GAS7: variants seen among roughly 807,000 people sequenced by gnomAD.
GAS7 encodes the protein growth arrest-specific protein 7.
In GAS7, 28 loss-of-function variants were observed where a neutral mutation model predicts 71.1. That is an observed-to-expected ratio of 0.39 (90% CI 0.29 to 0.54). GAS7 has a LOEUF of 0.54. Among genes scored for constraint, GAS7 ranks in the 20% least tolerant of loss-of-function variants. The pLI, the probability that GAS7 is intolerant of heterozygous loss-of-function variation, is 0.62. For synonymous variants in GAS7, 258 were observed against 245.8 expected (o/e 1.05, Z -0.46); for missense variants, 436 against 627.8 (o/e 0.69, Z 3.27).
At chr17:9,928,882 C>T (rs1408058265) in intron 9 of GAS7, among the ~76,000 whole-genome samples, 1 of 152,180 alleles carries the variant, frequency 6.6e-6, no homozygotes, top group East Asian at 1.9e-4. Flanking sequence ...GCTCAATCCC[C>T]TGGGTGACAA....
chr17:10,040,592 C>T (rs748630685), intron 1 of GAS7, among the ~76,000 whole-genome samples: 249 of 147,528 alleles, frequency 1.7e-3, no homozygotes, highest in Non-Finnish European at 2.4e-3. Flanking sequence ...TTTCTCTCTC[C>T]CCCCTCTCAC....
intron 1 of GAS7, among the ~76,000 whole-genome samples, chr17:10,066,506 T>A (rs1424973819): frequency 6.6e-6 from 1 of 152,138 alleles, no homozygotes; most frequent in Non-Finnish European, 1.5e-5. Flanking sequence ...TTTTGTTTTG[T>A]TTTTTGTTTT....
chr17:9,996,622 C>G (rs1037945886), intron 2 of GAS7, among the ~76,000 whole-genome samples: 2 of 148,512 alleles, frequency 1.3e-5, no homozygotes, highest in African/African-American at 5.0e-5. Context: ...TATATACACA[C>G]ATATATATAT....
chr17:9,912,297 G>C lies in GAS7; in HGVS notation c.*4931C>G, dbSNP rs1040660906. The C allele has an allele frequency of 2.1e-5, 5 of 232,776 alleles. No individual in the cohort carries two copies. Among genetic ancestry groups the C allele is most frequent in the Non-Finnish European group, 4.2e-5 (5 of 117,814 alleles). 14.4% of individuals were successfully genotyped at this position (232,776 alleles called of 1,614,324 possible). A position where few individuals can be genotyped will look rare whatever the true frequency, so the allele number is the denominator to read the frequency against. On this transcript the variant is annotated 3_prime_UTR_variant, in exon 14 of 14. Coordinates refer to ENST00000432992, the MANE Select transcript of GAS7 (RefSeq NM_201433.2). ...TGAGAGCCAGACACAGCATGAACAC[G>C]TGTACAGGGTACATCATTGGAAATG...
intron 1 of GAS7, among the ~76,000 whole-genome samples, chr17:10,070,247 C>T (rs1597772105): frequency 6.6e-6 from 1 of 151,332 alleles, no homozygotes; most frequent in Non-Finnish European, 1.5e-5. Flanking sequence ...TATTCGCCAA[C>T]TTTTGTGGCC....
In GAS7 at chr17:9,919,187, C is replaced by CG. The variant is rs1555584488; in HGVS notation, c.1218+438_1218+439insC. Among the ~76,000 whole-genome samples, 2 of 152,054 alleles carry CG rather than the reference C, an allele frequency of 1.3e-5. No individual in the cohort carries two copies. Among genetic ancestry groups the CG allele is most frequent in the Non-Finnish European group, 2.9e-5 (2 of 67,966 alleles). The stretch of plus-strand genomic sequence containing the variant: ...TTCACCCTTGGTGAGAGGCCTCCCC[C>CG]ACCCCACTGCCTAGCTCCATCCTCA... On this transcript the variant is annotated intron_variant, in intron 12 of 13. Coordinates refer to ENST00000432992, the MANE Select transcript of GAS7 (RefSeq NM_201433.2). The surrounding 1 kb of genome is among the most constrained non-coding windows in gnomAD (Gnocchi z 5.0).
chr17:10,099,205 A>C (rs2073673505), intron 1 of GAS7, among the ~76,000 whole-genome samples: 1 of 152,002 alleles, frequency 6.6e-6, no homozygotes, highest in African/African-American at 2.4e-5. Flanking sequence ...GTGGAGACAC[A>C]CCCATCCAAA....
intron 1 of GAS7, among the ~76,000 whole-genome samples, chr17:10,184,511 T>C (rs1270665529): frequency 6.6e-6 from 1 of 152,198 alleles, no homozygotes; most frequent in African/African-American, 2.4e-5. Flanking sequence ...TAACAAGTCT[T>C]GCAGACAAAC....
intron 13 of GAS7, 59 bp from the exon 14 acceptor site, chr17:9,917,400 T>C (rs1190544526): frequency 5.0e-6 from 6 of 1,194,088 alleles, no homozygotes; most frequent in African/African-American, 1.5e-5. Context: ...CAGGGAGGTC[T>C]CCTCTGAGAC....
chr17:10,001,683 G>A (rs769324054), intron 2 of GAS7, among the ~76,000 whole-genome samples: 1 of 152,208 alleles, frequency 6.6e-6, no homozygotes, highest in Non-Finnish European at 1.5e-5. Context: ...CCAGGAAACA[G>A]CACAGCTGCA....
intron 1 of GAS7, among the ~76,000 whole-genome samples, chr17:10,074,976 G>A (rs1480507241): frequency 6.6e-6 from 1 of 151,640 alleles, no homozygotes; most frequent in African/African-American, 2.4e-5. Flanking sequence ...AGGATAATCT[G>A]GATGCAGAAA....
At chr17:10,086,895 C>T (rs558100417) in intron 1 of GAS7, among the ~76,000 whole-genome samples, 8 of 152,166 alleles carry the variant, frequency 5.3e-5, no homozygotes, top group Non-Finnish European at 2.9e-5. Flanking sequence ...CCGTGTCATA[C>T]AAGCCAAAGC....
At chr17:10,097,586 C>T (rs1220778228) in intron 1 of GAS7, among the ~76,000 whole-genome samples, 1 of 152,204 alleles carries the variant, frequency 6.6e-6, no homozygotes, top group African/African-American at 2.4e-5. Context: ...CCCTTCCAGG[C>T]TGCTGAGTTT....
intron 1 of GAS7, among the ~76,000 whole-genome samples, chr17:10,025,607 CAA>C (rs767474894): frequency 6.6e-6 from 1 of 150,940 alleles, no homozygotes; most frequent in Non-Finnish European, 1.5e-5. Context: ...AGCAGGCAAG[CAA>C]AGTCACCCAG....
At chr17:10,109,717 A>G (rs1004006233) in intron 1 of GAS7, among the ~76,000 whole-genome samples, 1 of 152,212 alleles carries the variant, frequency 6.6e-6, no homozygotes, top group Non-Finnish European at 1.5e-5. Flanking sequence ...TCAGGAGTTC[A>G]AGACCAGCCT....
intron 9 of GAS7, among the ~76,000 whole-genome samples, chr17:9,929,930 A>T (rs2068149644): frequency 6.6e-6 from 1 of 152,118 alleles, no homozygotes; most frequent in Admixed American, 6.6e-5. Context: ...CCGGCCTGTC[A>T]TGGCCCATCA....
chr17:9,968,961 T>C (rs886332478), intron 4 of GAS7, among the ~76,000 whole-genome samples: 1 of 152,236 alleles, frequency 6.6e-6, no homozygotes, highest in African/African-American at 2.4e-5. Context: ...TGATAATTTA[T>C]GGGTAGACTA....
intron 9 of GAS7, among the ~76,000 whole-genome samples, chr17:9,930,792 A>G (rs1210659010): frequency 6.6e-6 from 1 of 152,206 alleles, no homozygotes; most frequent in Non-Finnish European, 1.5e-5. Flanking sequence ...ACATCCTTGG[A>G]GCCACTTTCT....
chr17:10,120,424 T>A lies in GAS7; in HGVS notation c.183+77784A>T, dbSNP rs894915902. Among the ~76,000 whole-genome samples the A allele has an allele frequency of 3.3e-5, 5 of 152,230 alleles. 1 individual carries two copies. In the South Asian group the frequency reaches 1.0e-3, roughly 32 times the overall value. On this transcript the variant is annotated intron_variant, in intron 1 of 13. Coordinates refer to ENST00000432992, the MANE Select transcript of GAS7 (RefSeq NM_201433.2). ...TTCCACGAGACCAGGACGGACTCAA[T>A]CCTAAGAGTACGAGTAGAAGGTCTG...
Sources: allele counts gnomAD v4.1 joint callset (sites outside exome capture counted in the v4.1 genomes callset), GRCh38; gene constraint gnomAD v4.1.1; non-coding constraint Gnocchi (gnomAD v3.1); transcripts MANE v1.5; gene names NCBI Gene and HGNC (gene_info 2026-07-23, HGNC 2026-07-21).